GALNTL6: variants seen among roughly 807,000 people sequenced by gnomAD.
GALNTL6 encodes polypeptide N-acetylgalactosaminyltransferase like 6.
GALNTL6 carries 46 observed loss-of-function variants against 73.7 expected under a neutral mutation model. The ratio of observed to expected loss-of-function variants is 0.62; its 90% CI spans 0.49 to 0.80. The LOEUF (loss-of-function observed/expected upper bound fraction) is 0.80. Among genes scored for constraint, GALNTL6 ranks in the 30% least tolerant of loss-of-function variants. The probability of loss-of-function intolerance (pLI) is 0.00; values close to 1 mark genes in which losing one functional copy is unlikely to be tolerated. For synonymous variants in GALNTL6, 259 were observed against 263.7 expected, an observed-to-expected ratio of 0.98 and a Z score of 0.17; for missense variants, 604 against 755.0, an observed-to-expected ratio of 0.80 and a Z score of 2.34.
chr4:172,879,014 G>T (rs947746549), intron 7 of GALNTL6, among the ~76,000 whole-genome samples: 1 of 151,644 alleles, frequency 6.6e-6, no homozygotes, highest in Non-Finnish European at 1.5e-5. Flanking sequence ...CATTATTAGG[G>T]ATAATAAAAG....
chr4:171,892,511 A>C (rs1027733635), intron 2 of GALNTL6, among the ~76,000 whole-genome samples: 3 of 152,160 alleles, frequency 2.0e-5, no homozygotes, highest in African/African-American at 7.2e-5. Flanking sequence ...TTTTCTTCTC[A>C]TCATCCTCCT....
At chr4:172,868,180 T>G (rs893975268) in intron 7 of GALNTL6, among the ~76,000 whole-genome samples, 4 of 152,186 alleles carry the variant, frequency 2.6e-5, no homozygotes, top group African/African-American at 9.6e-5. Context: ...TTGCAATGCC[T>G]GAAGGGATGC....
At chr4:172,297,346 G>A (rs1231909160) in intron 3 of GALNTL6, among the ~76,000 whole-genome samples, 1 of 152,066 alleles carries the variant, frequency 6.6e-6, no homozygotes, top group African/African-American at 2.4e-5. Context: ...CTGTGCAGAA[G>A]CTCTTTAGTT....
At chr4:172,723,778 C>T (rs6553644) in intron 5 of GALNTL6, among the ~76,000 whole-genome samples, 1,348 of 58,502 alleles carry the variant, frequency 0.023, 24 homozygotes, top group African/African-American at 0.051. Flanking sequence ...TAGAAAAATC[C>T]ATTCACTTTA....
At chr4:172,185,425 A>G (rs539140247) in intron 2 of GALNTL6, among the ~76,000 whole-genome samples, 2 of 152,332 alleles carry the variant, frequency 1.3e-5, no homozygotes, top group African/African-American at 2.4e-5. Context: ...TCTTGGTAGC[A>G]TAAGATCTGC....
At chr4:173,022,722 A>G (rs1164304885) in intron 12 of GALNTL6, among the ~76,000 whole-genome samples, 1 of 152,256 alleles carries the variant, frequency 6.6e-6, no homozygotes, top group Non-Finnish European at 1.5e-5. Flanking sequence ...GGGGAATTTA[A>G]AAGTTTCAAA....
rs537228337 is a variant in GALNTL6 at position 172,478,475 on chromosome 4, C to A, written c.553+129786C>A. Among the ~76,000 whole-genome samples the A allele has an allele frequency of 4.6e-5, 7 of 152,284 alleles. No homozygotes were observed. In the South Asian group the frequency reaches 6.2e-4, roughly 14 times the overall value. On this transcript the variant is annotated intron_variant, in intron 5 of 12. Transcript: ENST00000506823. ...GATAGACATAGGCAGAAGAATTAAA[C>A]TGGATCCATTTCTCTCACCATAGAC...
chr4:172,049,640 TAGAAAATG>T (rs1730770573), intron 2 of GALNTL6, among the ~76,000 whole-genome samples: 1 of 152,188 alleles, frequency 6.6e-6, no homozygotes, highest in Non-Finnish European at 1.5e-5. Flanking sequence ...TTCTCAAATG[TAGAAAATG>T]TACTCTTGCC....
At chr4:171,946,872 C>T (rs897209211) in intron 2 of GALNTL6, among the ~76,000 whole-genome samples, 2 of 150,834 alleles carry the variant, frequency 1.3e-5, no homozygotes, top group South Asian at 4.2e-4. Context: ...AGGGCAGAGA[C>T]AAGAAGACCC....
At chr4:172,296,189 T>TCGG (rs1739665272) in intron 3 of GALNTL6, among the ~76,000 whole-genome samples, 1 of 152,190 alleles carries the variant, frequency 6.6e-6, no homozygotes, top group Non-Finnish European at 1.5e-5. Flanking sequence ...AGAATGTGTA[T>TCGG]CGGCTTTTAC....
At chr4:171,983,595 G>A (rs1739981405) in intron 2 of GALNTL6, among the ~76,000 whole-genome samples, 1 of 152,012 alleles carries the variant, frequency 6.6e-6, no homozygotes, top group Non-Finnish European at 1.5e-5. Context: ...AGGATCAAGA[G>A]ATCCTCTCAC....
intron 2 of GALNTL6, among the ~76,000 whole-genome samples, chr4:172,213,599 T>C (rs1475426138): frequency 6.6e-6 from 1 of 152,034 alleles, no homozygotes; most frequent in Non-Finnish European, 1.5e-5. Context: ...TTAGCCTGTT[T>C]ATAAATTGAC....
intron 2 of GALNTL6, among the ~76,000 whole-genome samples, chr4:172,054,234 T>G (rs757718474): frequency 1.3e-5 from 2 of 152,136 alleles, no homozygotes; most frequent in Non-Finnish European, 2.9e-5. Flanking sequence ...ACTTTAGATA[T>G]TAGAACAATT....
At chr4:172,543,315 T>G (rs927070933) in intron 5 of GALNTL6, among the ~76,000 whole-genome samples, 10 of 152,222 alleles carry the variant, frequency 6.6e-5, no homozygotes, top group African/African-American at 1.2e-4. Flanking sequence ...CATCCTAAAT[T>G]TACCTGCTGA....
chr4:172,178,758 A>C (rs1579219780), intron 2 of GALNTL6, among the ~76,000 whole-genome samples: 7 of 113,558 alleles, frequency 6.2e-5, no homozygotes, highest in African/African-American at 1.1e-4. Flanking sequence ...GCACCCACTA[A>C]CTCGTCATCT....
chr4:172,892,098 T>C (rs964460385), intron 8 of GALNTL6, among the ~76,000 whole-genome samples: 44 of 152,226 alleles, frequency 2.9e-4, no homozygotes, highest in African/African-American at 9.4e-4. Context: ...CTGGATTTTA[T>C]TGTTGAGCTT....
chr4:172,972,308 T>A (rs1273309022), intron 10 of GALNTL6, among the ~76,000 whole-genome samples: 2 of 152,206 alleles, frequency 1.3e-5, no homozygotes, highest in Non-Finnish European at 2.9e-5. Context: ...CTAATATACC[T>A]ATCTAACTCT....
At chr4:172,376,117 G>T (rs574229700) in intron 5 of GALNTL6, among the ~76,000 whole-genome samples, 2 of 152,316 alleles carry the variant, frequency 1.3e-5, no homozygotes, top group South Asian at 2.1e-4. Context: ...GGCAAAAATT[G>T]TGTCCTTCTG....
At chr4:173,019,200 A>G (rs1423454035) in intron 11 of GALNTL6, among the ~76,000 whole-genome samples, 2 of 152,244 alleles carry the variant, frequency 1.3e-5, no homozygotes, top group African/African-American at 4.8e-5. Flanking sequence ...AGGGGCAGGA[A>G]CAAGGCAGAA....
Sources: allele counts gnomAD v4.1 joint callset (sites outside exome capture counted in the v4.1 genomes callset), GRCh38; gene constraint gnomAD v4.1.1; transcripts MANE v1.5; gene names NCBI Gene and HGNC (gene_info 2026-07-23, HGNC 2026-07-21).